The following AGBL3 variants were observed in gnomAD, a reference collection of about 807,000 sequenced individuals.
AGBL3 encodes cytosolic carboxypeptidase 3.
Under a neutral mutation model 94.5 loss-of-function variants are expected in AGBL3, and 68 were observed. The ratio of observed to expected loss-of-function variants is 0.72; its 90% confidence interval spans 0.59 to 0.88. AGBL3 has a LOEUF of 0.88. Ranked by LOEUF, AGBL3 falls within the 40% of genes least tolerant of loss-of-function variation. The pLI is 0.00. For synonymous variants in AGBL3, 354 were observed against 370.7 expected (o/e 0.95, Z 0.52); for missense variants, 934 against 1,103.8 (o/e 0.85, Z 2.18).
intron 4 of AGBL3, among the ~76,000 whole-genome samples, 160 bp downstream of exon 4, chr7:134,993,838 A>T (rs1321946524): frequency 6.6e-6 from 1 of 152,262 alleles, no homozygotes; most frequent in Non-Finnish European, 1.5e-5. Flanking sequence ...AGCCACATTT[A>T]AAAAGGCAAA....
At chr7:135,097,928 A>T (rs964001351) in intron 15 of AGBL3, among the ~76,000 whole-genome samples, 2 of 152,188 alleles carry the variant, frequency 1.3e-5, no homozygotes, top group Non-Finnish European at 2.9e-5. Context: ...GCTCAGTTTA[A>T]GTTCAGATTA....
chr7:135,061,764 C>T (rs1281606138), intron 12 of AGBL3, among the ~76,000 whole-genome samples: 1 of 152,036 alleles, frequency 6.6e-6, no homozygotes, highest in Admixed American at 6.6e-5. Flanking sequence ...AAGCCAGTAC[C>T]ATACCATTTT....
chr7:135,017,801 C>T (rs4728346), intron 5 of AGBL3, among the ~76,000 whole-genome samples: 141,678 of 152,212 alleles, frequency 0.93, 66,717 homozygotes, highest in Non-Finnish European at 1. Context: ...AGAGGCTGCT[C>T]CCTGTACAGT....
chr7:135,122,415 G>T (rs1043089552), intron 16 of AGBL3, among the ~76,000 whole-genome samples: 1 of 152,174 alleles, frequency 6.6e-6, no homozygotes, highest in African/African-American at 2.4e-5. Context: ...AGCGGGAGGG[G>T]TGACCACAGT....
chr7:135,128,972 C>T, intron 16 of AGBL3: 1 of 1,587,122 alleles, frequency 6.3e-7, no homozygotes, highest in Admixed American at 1.7e-5. Flanking sequence ...GCATGTACTT[C>T]TTGGAGTGCA....
chr7:134,993,435 A>T, intron 3 of AGBL3, 58 bp from the exon 4 acceptor site: 1 of 1,369,636 alleles, frequency 7.3e-7, no homozygotes, highest in South Asian at 1.6e-5. Context: ...TATAAAAATT[A>T]CAGGAGTTGG....
chr7:135,036,454 A>G (rs899107583), intron 7 of AGBL3, among the ~76,000 whole-genome samples: 11 of 152,320 alleles, frequency 7.2e-5, no homozygotes, highest in South Asian at 2.1e-4. Context: ...TAATCACCAC[A>G]CTAATCAAGG....
intron 15 of AGBL3, among the ~76,000 whole-genome samples, chr7:135,103,246 CTAAATAT>C (rs1169814293): frequency 2.0e-5 from 3 of 152,040 alleles, no homozygotes; most frequent in African/African-American, 7.2e-5. Flanking sequence ...TTGGTGGATT[CTAAATAT>C]TAATCACTGC....
chr7:135,053,919 A>T (rs773370714), intron 11 of AGBL3, among the ~76,000 whole-genome samples: 1 of 152,248 alleles, frequency 6.6e-6, no homozygotes, highest in Admixed American at 6.5e-5. Context: ...TTTAAAACAT[A>T]GACCTTTCAG....
At chr7:135,043,580 G>C (rs1817071831) in intron 8 of AGBL3, among the ~76,000 whole-genome samples, 1 of 152,070 alleles carries the variant, frequency 6.6e-6, no homozygotes, top group Non-Finnish European at 1.5e-5. Context: ...AAAAGTAAAA[G>C]TATAATTGGG....
intron 12 of AGBL3, among the ~76,000 whole-genome samples, chr7:135,064,173 T>A (rs917673596): frequency 6.6e-6 from 1 of 152,204 alleles, no homozygotes; most frequent in Non-Finnish European, 1.5e-5. Context: ...TTAGGAACAA[T>A]CCAGGGGTAT....
intron 3 of AGBL3, among the ~76,000 whole-genome samples, chr7:134,991,065 G>A (rs952272344): frequency 6.6e-6 from 1 of 152,146 alleles, no homozygotes; most frequent in South Asian, 2.1e-4. Flanking sequence ...TCCCATGCCA[G>A]TGTAGTTCAG....
At chr7:135,083,365 A>T (rs1260079609) in intron 15 of AGBL3, among the ~76,000 whole-genome samples, 1 of 152,192 alleles carries the variant, frequency 6.6e-6, no homozygotes. Flanking sequence ...CAGGGGTTGG[A>T]CTGACACTGC....
intron 4 of AGBL3, among the ~76,000 whole-genome samples, chr7:135,008,252 A>G (rs969015917): frequency 4.6e-5 from 7 of 152,178 alleles, no homozygotes; most frequent in African/African-American, 1.7e-4. Flanking sequence ...ACAAATAGTA[A>G]TTTAGACAGT....
rs1370079349 is a variant in AGBL3, at chr7:135,135,351, C to G, written c.*90C>G. 1 of 1,186,026 alleles carries G rather than the reference C, an allele frequency of 8.4e-7. No homozygotes were observed. Among genetic ancestry groups the G allele is most frequent in the Non-Finnish European group, 1.1e-6 (1 of 889,538 alleles). The allele number at this position is 1,186,026 out of a possible 1,614,324, so 73.5% of individuals were successfully genotyped here. Reference sequence around the variant, plus strand: ...AAAAAAGGAAAGCCCTCCCCTTCCCCTTTCCCTATCTCTCCCCTTACACAT... The same window carrying G: ...AAAAAAGGAAAGCCCTCCCCTTCCCGTTTCCCTATCTCTCCCCTTACACAT... On this transcript the variant is annotated 3_prime_UTR_variant, in exon 17 of 17. Transcript: ENST00000436302.
chr7:135,072,703 G>C (rs1446646049), intron 12 of AGBL3, among the ~76,000 whole-genome samples: 1 of 146,532 alleles, frequency 6.8e-6, no homozygotes, highest in Non-Finnish European at 1.5e-5. Flanking sequence ...TCATAGGTGG[G>C]AATTGAACAA....
At chr7:135,090,101 G>A (rs1437932508) in intron 15 of AGBL3, among the ~76,000 whole-genome samples, 2 of 152,134 alleles carry the variant, frequency 1.3e-5, no homozygotes, top group Non-Finnish European at 2.9e-5. Flanking sequence ...GGATATGGCT[G>A]CAATTCAGGA....
intron 4 of AGBL3, chr7:135,010,291 G>A: frequency 7.8e-6 from 2 of 255,872 alleles, no homozygotes; most frequent in Non-Finnish European, 1.5e-5. Context: ...TTCCCAAAGT[G>A]CTGGGTTTTT....
At chr7:134,992,952 G>A (rs959048650) in intron 3 of AGBL3, among the ~76,000 whole-genome samples, 3 of 152,202 alleles carry the variant, frequency 2.0e-5, no homozygotes, top group African/African-American at 4.8e-5. Flanking sequence ...ACGTCAAATT[G>A]ATGCCGTACA....
Sources: allele counts gnomAD v4.1 joint callset (sites outside exome capture counted in the v4.1 genomes callset), GRCh38; gene constraint gnomAD v4.1.1; transcripts MANE v1.5; gene names NCBI Gene and HGNC (gene_info 2026-07-23, HGNC 2026-07-21).